The following SCLT1 variants were observed in gnomAD, a reference collection of about 807,000 sequenced individuals.
SCLT1 encodes sodium channel and clathrin linker 1, also known as sodium channel-associated protein 1.
In SCLT1, 78 loss-of-function variants were observed where a neutral mutation model predicts 112.8. That is an observed-to-expected ratio of 0.69 (90% confidence interval 0.58 to 0.83). The LOEUF (loss-of-function observed/expected upper bound fraction) is 0.83. Ranked by LOEUF, SCLT1 falls within the 40% of genes least tolerant of loss-of-function variation. The pLI, the probability that SCLT1 is intolerant of heterozygous loss-of-function variation, is 0.00. For missense variants in SCLT1, 747 were observed against 770.4 expected, an observed-to-expected ratio of 0.97 and a Z score of 0.36; for synonymous variants, 257 against 254.7, an observed-to-expected ratio of 1.01 and a Z score of -0.09.
chr4:129,056,722 AAG>A (rs1387435681), intron 2 of SCLT1, among the ~76,000 whole-genome samples: 1 of 152,128 alleles, frequency 6.6e-6, no homozygotes, highest in African/African-American at 2.4e-5. Context: ...GATCAGTTCT[AAG>A]AGTGTTTTGG....
intron 8 of SCLT1, among the ~76,000 whole-genome samples, chr4:128,996,642 TCAA>T (rs1019238801): frequency 1.3e-5 from 2 of 152,138 alleles, no homozygotes; most frequent in African/African-American, 4.8e-5. Context: ...AAAATTTCTT[TCAA>T]CCATTTACTT....
rs780048556 is a variant in SCLT1 at position 129,082,302 on chromosome 4, A to G, written c.102+4T>C. On this transcript the variant is annotated splice_donor_region_variant and intron_variant, in intron 2 of 20. Transcript: ENST00000281142. ...TTCCCAAGTAGAATTTATAATTTACATACCTGTACAGATGAATATTTGGAA... is the reference window on the plus strand; with the variant it reads ...TTCCCAAGTAGAATTTATAATTTACGTACCTGTACAGATGAATATTTGGAA... 1.5e-6 allele frequency: 2 copies of G among 1,360,698 alleles called. No homozygotes were observed. Among genetic ancestry groups the G allele is most frequent in the East Asian group, 2.5e-5 (1 of 39,616 alleles). 84.3% of individuals were successfully genotyped at this position (1,360,698 alleles called of 1,614,324 possible).
intron 9 of SCLT1, among the ~76,000 whole-genome samples, chr4:128,985,589 A>T (rs1413466574): frequency 2.6e-5 from 4 of 152,226 alleles, no homozygotes; most frequent in Admixed American, 2.6e-4. Flanking sequence ...GTGTTACAAT[A>T]CACGCATTGT....
chr4:129,006,463 AGGAGGC>A (rs1744030919), intron 5 of SCLT1, among the ~76,000 whole-genome samples: 1 of 150,360 alleles, frequency 6.7e-6, no homozygotes, highest in Admixed American at 6.7e-5. Flanking sequence ...GCTTGAACCC[AGGAGGC>A]GGAGGTTGCA....
At chr4:128,947,635 C>T (rs1483446203) in intron 15 of SCLT1, among the ~76,000 whole-genome samples, 2 of 152,168 alleles carry the variant, frequency 1.3e-5, no homozygotes, top group African/African-American at 2.4e-5. Flanking sequence ...ACAGTAAGTG[C>T]TCAATCAAAT....
chr4:128,878,749 G>A (rs566512720), intron 3 of SCLT1, among the ~76,000 whole-genome samples: 3 of 152,136 alleles, frequency 2.0e-5, no homozygotes, highest in Admixed American at 2.0e-4. Context: ...TTTCAAAAGA[G>A]GTATTAAGCT....
intron 12 of SCLT1, among the ~76,000 whole-genome samples, chr4:128,959,078 A>G (rs1739456498): frequency 6.6e-6 from 1 of 152,202 alleles, no homozygotes; most frequent in Non-Finnish European, 1.5e-5. Flanking sequence ...TATCATTCAT[A>G]GGGAAGCAGT....
At chr4:128,914,363 CA>C (rs879401238) in intron 18 of SCLT1, among the ~76,000 whole-genome samples, 53 of 127,486 alleles carry the variant, frequency 4.2e-4, no homozygotes, top group Middle Eastern at 3.9e-3. Context: ...AACTCCGTCT[CA>C]AAAAAAAAAA....
At chr4:128,876,885 A>C (rs1471555320) in intron 3 of SCLT1, among the ~76,000 whole-genome samples, 2 of 152,054 alleles carry the variant, frequency 1.3e-5, no homozygotes, top group African/African-American at 2.4e-5. Flanking sequence ...GAATTCTTCA[A>C]CTCTCACAGC....
intron 5 of SCLT1, among the ~76,000 whole-genome samples, chr4:129,030,695 T>G (rs952567630): frequency 7.9e-5 from 12 of 151,942 alleles, no homozygotes; most frequent in African/African-American, 2.9e-4. Flanking sequence ...TCTATGCAAA[T>G]AAAATAGAAA....
intron 2 of SCLT1, among the ~76,000 whole-genome samples, chr4:129,066,019 G>GAAA (rs888273091): frequency 6.6e-6 from 1 of 151,092 alleles, no homozygotes; most frequent in Admixed American, 6.6e-5. Flanking sequence ...ATTATACAGA[G>GAAA]AAAAAAAACA....
intron 5 of SCLT1, among the ~76,000 whole-genome samples, chr4:129,033,051 C>T (rs748268444): frequency 2.0e-5 from 3 of 152,068 alleles, no homozygotes; most frequent in Non-Finnish European, 4.4e-5. Context: ...TACTGAAGCA[C>T]TATTTACAAT....
intron 16 of SCLT1, among the ~76,000 whole-genome samples, chr4:128,945,273 G>T (rs150537711): frequency 6.6e-6 from 1 of 152,168 alleles, no homozygotes; most frequent in East Asian, 1.9e-4. Flanking sequence ...GTATGGTATT[G>T]GGAAAAGCCT....
chr4:128,897,122 TC>T (rs1198469930), intron 18 of SCLT1, among the ~76,000 whole-genome samples: 2 of 152,052 alleles, frequency 1.3e-5, no homozygotes, highest in African/African-American at 4.8e-5. Flanking sequence ...CAGGAGAACT[TC>T]CCCAATCTAG....
intron 13 of SCLT1, among the ~76,000 whole-genome samples, chr4:128,956,516 A>T (rs1172841508): frequency 1.3e-5 from 2 of 152,122 alleles, no homozygotes; most frequent in African/African-American, 4.8e-5. Context: ...GTCATATAAG[A>T]CAAAGTAATA....
chr4:129,028,838 A>G (rs1260014556), intron 5 of SCLT1, among the ~76,000 whole-genome samples: 1 of 152,098 alleles, frequency 6.6e-6, no homozygotes, highest in African/African-American at 2.4e-5. Flanking sequence ...CAACAAAAAA[A>G]AAACCATCCC....
chr4:128,898,321 G>A (rs1307946902), intron 18 of SCLT1, among the ~76,000 whole-genome samples: 1 of 152,152 alleles, frequency 6.6e-6, no homozygotes, highest in Non-Finnish European at 1.5e-5. Flanking sequence ...ATAACAAACT[G>A]TCTCTCAGAC....
chr4:128,973,054 G>T (rs941907396), intron 9 of SCLT1, among the ~76,000 whole-genome samples: 1 of 150,980 alleles, frequency 6.6e-6, no homozygotes, highest in Admixed American at 6.6e-5. Flanking sequence ...ACACATCCTT[G>T]TTTCTTTTTT....
Position 128,970,416 on chromosome 4 carries a change from T to C in SCLT1, c.739A>G (p.Asn247Asp). Residue 247 changes from asparagine (N) to aspartate (D), a missense_variant, in exon 10 of 21, where the codon AAT becomes GAT. By Grantham distance (23) the Asn-to-Asp change is conservative. Coordinates refer to ENST00000281142, the MANE Select transcript of SCLT1 (RefSeq NM_144643.4). ...TGTCCCTGCAGATCTTCAGTCACAT[T>C]AGTTAACTCTTCCACTTTTGCTACA... ...VAVAKVEELT[N>D]VTEDLQGQMK... 5.6e-6 allele frequency: 9 copies of C among 1,609,266 alleles called. No individual in the cohort carries two copies. The highest frequency in any genetic ancestry group is 1.3e-5 in the African/African-American group (1 of 74,938).
Sources: gnomAD v4.1 joint callset for allele counts (sites outside exome capture counted in the v4.1 genomes callset) on GRCh38, gnomAD v4.1.1 for gene constraint, MANE v1.5 for transcripts, NCBI Gene and HGNC (gene_info 2026-07-23, HGNC 2026-07-21) for gene names.